RPS6KC1: variants seen among roughly 807,000 people sequenced by gnomAD.
The protein encoded by RPS6KC1 is ribosomal protein S6 kinase C1.
In RPS6KC1, 54 loss-of-function variants were observed where a neutral mutation model predicts 103.8. The ratio of observed to expected loss-of-function variants is 0.52; its 90% confidence interval spans 0.42 to 0.65. RPS6KC1 has a LOEUF of 0.65. RPS6KC1 is among the 30% of genes least tolerant of loss of function. RPS6KC1 has a pLI of 0.00. For synonymous variants in RPS6KC1, 439 were observed against 438.7 expected (o/e 1.00, Z -0.01); for missense variants, 1,151 against 1,253.8 (o/e 0.92, Z 1.24).
the RPS6KC1 span, among the ~76,000 whole-genome samples, chr1:213,720,142 G>C: frequency 6.6e-6 from 1 of 152,140 alleles, no homozygotes; most frequent in African/African-American, 2.4e-5. Context: ...AGGGAGCATG[G>C]GGCTCAAAGT....
the RPS6KC1 span, among the ~76,000 whole-genome samples, chr1:213,537,112 A>G: frequency 6.6e-6 from 1 of 152,142 alleles, no homozygotes; most frequent in Non-Finnish European, 1.5e-5. Flanking sequence ...CCTCCCTTTA[A>G]TGGCCTCCAC....
chr1:213,299,055 GC>G, the RPS6KC1 span, among the ~76,000 whole-genome samples: 6 of 152,174 alleles, frequency 3.9e-5, no homozygotes, highest in Non-Finnish European at 5.9e-5. Context: ...AACAGCTGGG[GC>G]ATCTGTCTCT....
At chr1:213,740,165 G>C in the RPS6KC1 span, among the ~76,000 whole-genome samples, 1 of 152,030 alleles carries the variant, frequency 6.6e-6, no homozygotes, top group African/African-American at 2.4e-5. Context: ...TATCACAGTG[G>C]CCATATCAGG....
intron 3 of RPS6KC1, among the ~76,000 whole-genome samples, chr1:213,090,002 G>T (rs1365087675): frequency 6.6e-6 from 1 of 152,136 alleles, no homozygotes; most frequent in Non-Finnish European, 1.5e-5. Flanking sequence ...TTTAATTCAA[G>T]AAGCTTTCTA....
chr1:213,475,475 T>A, the RPS6KC1 span, among the ~76,000 whole-genome samples: 1 of 152,224 alleles, frequency 6.6e-6, no homozygotes. Context: ...CTGGGTTTTA[T>A]CATCTGCAAA....
At chr1:213,626,933 T>C in the RPS6KC1 span, among the ~76,000 whole-genome samples, 1 of 152,206 alleles carries the variant, frequency 6.6e-6, no homozygotes, top group Non-Finnish European at 1.5e-5. Flanking sequence ...CCATATGAAC[T>C]TTAAAGTAGT....
the RPS6KC1 span, among the ~76,000 whole-genome samples, chr1:213,513,735 G>T: frequency 6.6e-6 from 1 of 152,156 alleles, no homozygotes; most frequent in Non-Finnish European, 1.5e-5. Flanking sequence ...GAAATAACTT[G>T]AAACACAAAG....
At position 213,250,819 on chromosome 1, in the gene RPS6KC1, C is replaced by T. The variant is rs59713589; in HGVS notation, c.2911+8161C>T. On this transcript the variant is annotated intron_variant, in intron 12 of 14. Transcript: ENST00000366960. ...TTGTAACATTTTCCATTGTCATATA[C>T]AAAAACTTAAAAAAAATTGTCTCTG... Among the ~76,000 whole-genome samples the T allele has an allele frequency of 3.1e-3, 472 of 152,172 alleles. 2 individuals carry two copies. The highest frequency in any genetic ancestry group is 9.9e-3 in the African/African-American group (413 of 41,526).
At chr1:213,093,352 A>G (rs1421999051) in intron 3 of RPS6KC1, among the ~76,000 whole-genome samples, 1 of 151,928 alleles carries the variant, frequency 6.6e-6, no homozygotes, top group Non-Finnish European at 1.5e-5. Flanking sequence ...CTAGGATTAT[A>G]GGTGTCTGCC....
intron 3 of RPS6KC1, among the ~76,000 whole-genome samples, chr1:213,092,272 CATTAT>C (rs1004131837): frequency 2.0e-5 from 3 of 152,066 alleles, no homozygotes; most frequent in Non-Finnish European, 4.4e-5. Context: ...TTCATTGCAG[CATTAT>C]ATTCAGTAGA....
chr1:213,343,413 A>G, the RPS6KC1 span, among the ~76,000 whole-genome samples: 5 of 31,826 alleles, frequency 1.6e-4, no homozygotes, highest in African/African-American at 2.9e-4. Flanking sequence ...ATATATATAT[A>G]TATATATATA....
At chr1:213,134,620 C>T (rs1045873920) in intron 6 of RPS6KC1, among the ~76,000 whole-genome samples, 18 of 152,062 alleles carry the variant, frequency 1.2e-4, no homozygotes, top group Admixed American at 2.6e-4. Flanking sequence ...GATGTCCAGA[C>T]GTATTTCAGA....
At chr1:213,420,671 T>A in the RPS6KC1 span, among the ~76,000 whole-genome samples, 1 of 152,138 alleles carries the variant, frequency 6.6e-6, no homozygotes, top group African/African-American at 2.4e-5. Flanking sequence ...CAGGTGAATG[T>A]CCTCAAAGCC....
chr1:213,561,847 C>A, the RPS6KC1 span, among the ~76,000 whole-genome samples: 3 of 152,188 alleles, frequency 2.0e-5, no homozygotes, highest in Non-Finnish European at 4.4e-5. Context: ...GGAAACTCTA[C>A]CTGGATGTGT....
At chr1:213,079,098 A>G (rs892346439) in intron 3 of RPS6KC1, among the ~76,000 whole-genome samples, 6 of 152,248 alleles carry the variant, frequency 3.9e-5, no homozygotes, top group East Asian at 1.9e-4. Context: ...ATATGACAGT[A>G]TATTATGATT....
the RPS6KC1 span, among the ~76,000 whole-genome samples, chr1:213,668,668 T>C: frequency 1.3e-5 from 2 of 152,080 alleles, no homozygotes; most frequent in South Asian, 4.2e-4. Flanking sequence ...TGCATTGACT[T>C]CTCCTCTATA....
chr1:213,300,480 G>T, the RPS6KC1 span, among the ~76,000 whole-genome samples: 40 of 152,194 alleles, frequency 2.6e-4, no homozygotes, highest in African/African-American at 9.4e-4. Context: ...CACCCTCTGA[G>T]TTTCCCTTTT....
the RPS6KC1 span, among the ~76,000 whole-genome samples, chr1:213,291,564 CAG>C: frequency 6.6e-6 from 1 of 152,124 alleles, no homozygotes; most frequent in African/African-American, 2.4e-5. Context: ...GCTTTTCTGT[CAG>C]GTAAAGAAAA....
At chr1:213,563,904 A>G in the RPS6KC1 span, among the ~76,000 whole-genome samples, 1 of 149,970 alleles carries the variant, frequency 6.7e-6, no homozygotes, top group Non-Finnish European at 1.5e-5. Context: ...ATATTTACCT[A>G]TAATTTTACC....
Sources: gnomAD v4.1 joint callset for allele counts (sites outside exome capture counted in the v4.1 genomes callset) on GRCh38, gnomAD v4.1.1 for gene constraint, MANE v1.5 for transcripts, NCBI Gene and HGNC (gene_info 2026-07-23, HGNC 2026-07-21) for gene names.